Variants in WWOX observed in about 807,000 individuals in gnomAD.
The protein encoded by WWOX is WW domain containing oxidoreductase.
WWOX carries 69 observed loss-of-function variants against 46.2 expected under a neutral mutation model. That is an observed-to-expected ratio of 1.49 (90% CI 1.23 to 1.82). The LOEUF (loss-of-function observed/expected upper bound fraction) is 1.82. Ranked by LOEUF, WWOX falls within the 40% of genes most tolerant of loss-of-function variation. WWOX has a pLI of 0.00. For missense variants in WWOX, 919 were observed against 542.6 expected (o/e 1.69, Z -6.89); for synonymous variants, 359 against 202.6 (o/e 1.77, Z -6.56).
intron 8 of WWOX, among the ~76,000 whole-genome samples, chr16:78,508,388 A>C (rs1409981131): frequency 7.0e-6 from 1 of 142,980 alleles, no homozygotes; most frequent in Non-Finnish European, 1.5e-5. Flanking sequence ...TGCGTGGCCG[A>C]AGACAATTCT....
chr16:78,765,397 G>A (rs565780983), intron 8 of WWOX, among the ~76,000 whole-genome samples: 2 of 152,314 alleles, frequency 1.3e-5, no homozygotes, highest in East Asian at 1.9e-4. Context: ...TAAGATTCGG[G>A]GCCGGGCACG....
In WWOX at chr16:79,026,145, C is replaced by A. The variant is rs115344151; in HGVS notation, c.1057-185463C>A. 3.8e-3 allele frequency among the ~76,000 whole-genome samples: 573 copies of A among 151,676 alleles called. 15 individuals carry two copies. Among genetic ancestry groups the A allele is most frequent in the African/African-American group, 0.013 (515 of 41,064 alleles). Reference sequence around the variant, plus strand: ...CACTAAGTGCATCATGTTAACCTTCCACTCGCTTCTTTAAGTTTCCTCACT... The same window carrying A: ...CACTAAGTGCATCATGTTAACCTTCAACTCGCTTCTTTAAGTTTCCTCACT... On this transcript the variant is annotated intron_variant, in intron 8 of 8. Transcript: ENST00000566780.
intron 7 of WWOX, among the ~76,000 whole-genome samples, chr16:78,431,348 T>C (rs187230846): frequency 7.9e-5 from 12 of 152,348 alleles, no homozygotes; most frequent in Admixed American, 7.8e-4. Context: ...ACCAAGGTTA[T>C]AACCCCTTTA....
chr16:79,117,052 T>C (rs987712600), intron 8 of WWOX, among the ~76,000 whole-genome samples: 2 of 151,916 alleles, frequency 1.3e-5, no homozygotes, highest in African/African-American at 4.8e-5. Context: ...TTTTTATTTT[T>C]TTTATTGTTA....
chr16:78,912,880 C>G (rs1032809803), intron 8 of WWOX, among the ~76,000 whole-genome samples: 1 of 151,916 alleles, frequency 6.6e-6, no homozygotes, highest in Non-Finnish European at 1.5e-5. Context: ...CTTTAAAACA[C>G]CATCAGCTTG....
At chr16:79,097,310 C>T (rs2049096349) in intron 8 of WWOX, among the ~76,000 whole-genome samples, 1 of 151,224 alleles carries the variant, frequency 6.6e-6, no homozygotes, top group Non-Finnish European at 1.5e-5. Context: ...ATGCCATTCG[C>T]AATCCAGCAG....
intron 8 of WWOX, among the ~76,000 whole-genome samples, chr16:78,860,638 A>C (rs942824487): frequency 2.0e-5 from 3 of 152,208 alleles, no homozygotes; most frequent in African/African-American, 7.2e-5. Flanking sequence ...CAAAATAAAT[A>C]CTTCATATAA....
chr16:78,917,302 C>A (rs866397082), intron 8 of WWOX, among the ~76,000 whole-genome samples: 2 of 152,184 alleles, frequency 1.3e-5, no homozygotes, highest in African/African-American at 4.8e-5. Flanking sequence ...ATTTCGTTAT[C>A]AAAAGAAGAG....
chr16:78,322,435 G>A (rs900430017), intron 5 of WWOX, among the ~76,000 whole-genome samples: 1 of 152,158 alleles, frequency 6.6e-6, no homozygotes, highest in African/African-American at 2.4e-5. Flanking sequence ...CCAGGATCAG[G>A]CCAAAGGTTT....
intron 8 of WWOX, among the ~76,000 whole-genome samples, chr16:78,510,900 G>C (rs909347640): frequency 2.0e-5 from 3 of 152,224 alleles, no homozygotes; most frequent in African/African-American, 7.2e-5. Context: ...GCCTGGCACA[G>C]AGTCGCAAAG....
intron 8 of WWOX, among the ~76,000 whole-genome samples, chr16:78,931,294 T>C (rs2045619267): frequency 6.6e-6 from 1 of 152,064 alleles, no homozygotes; most frequent in African/African-American, 2.4e-5. Context: ...TAAGAGAAAC[T>C]CCCAATCTGA....
intron 6 of WWOX, among the ~76,000 whole-genome samples, chr16:78,401,448 A>G (rs1048192084): frequency 9.9e-5 from 15 of 152,282 alleles, no homozygotes; most frequent in African/African-American, 3.6e-4. Context: ...TGTGTAGCCC[A>G]TCAATTGTCT....
rs550420688 is a variant in WWOX, at chr16:78,321,869, T to A, written c.517-64991T>A. On this transcript the variant is annotated intron_variant, in intron 5 of 8. Transcript: ENST00000566780. The stretch of plus-strand genomic sequence containing the variant: ...AGGGGGATGGAGAGGCATATGATTC[T>A]GTTGACATTTAGTGACATGCGCTCT... 2.0e-5 allele frequency among the ~76,000 whole-genome samples: 3 copies of A among 152,238 alleles called. No homozygotes were observed. The South Asian group carries it at 6.2e-4, about 32-fold the overall frequency.
chr16:79,047,672 ATTTTTTTTTTTTTT>A (rs71140858), intron 8 of WWOX, among the ~76,000 whole-genome samples: 3 of 53,522 alleles, frequency 5.6e-5, no homozygotes, highest in South Asian at 1.0e-3. Flanking sequence ...GACTGTCCTG[ATTTTTTTTTTTTTT>A]TTTTTTTTTT....
intron 8 of WWOX, among the ~76,000 whole-genome samples, chr16:79,197,363 T>G (rs2051260976): frequency 6.6e-6 from 1 of 152,184 alleles, no homozygotes; most frequent in Non-Finnish European, 1.5e-5. Context: ...GAGCTGAGTG[T>G]GTACATTTCC....
chr16:78,714,461 C>T (rs543296653), intron 8 of WWOX, among the ~76,000 whole-genome samples: 5 of 152,056 alleles, frequency 3.3e-5, no homozygotes, highest in Admixed American at 6.5e-5. Flanking sequence ...TACCTCCCAC[C>T]GAGTCCCTCC....
intron 8 of WWOX, among the ~76,000 whole-genome samples, chr16:78,794,686 T>C (rs1262302093): frequency 6.6e-6 from 1 of 152,256 alleles, no homozygotes; most frequent in Non-Finnish European, 1.5e-5. Context: ...TTCCTGCAGC[T>C]GTTATCTTTG....
At chr16:78,467,253 C>A (rs545748237) in intron 8 of WWOX, among the ~76,000 whole-genome samples, 1 of 152,218 alleles carries the variant, frequency 6.6e-6, no homozygotes, top group South Asian at 2.1e-4. Flanking sequence ...CTGATCACCA[C>A]CCATGTTAAT....
chr16:78,987,938 C>T (rs982999292), intron 8 of WWOX, among the ~76,000 whole-genome samples: 1 of 151,986 alleles, frequency 6.6e-6, no homozygotes, highest in African/African-American at 2.4e-5. Context: ...CCATGGTAGT[C>T]CCAGTGGGAA....
Sources: gnomAD v4.1 joint callset for allele counts (sites outside exome capture counted in the v4.1 genomes callset) on GRCh38, gnomAD v4.1.1 for gene constraint, MANE v1.5 for transcripts, NCBI Gene and HGNC (gene_info 2026-07-23, HGNC 2026-07-21) for gene names.